The following ACACA variants were observed in gnomAD, a reference collection of about 807,000 sequenced individuals.
ACACA encodes the protein acetyl-CoA carboxylase alpha.
Under a neutral mutation model 296.1 loss-of-function variants are expected in ACACA, and 103 were observed. The observed-to-expected ratio is 0.35, with a 90% CI of 0.30 to 0.41. The LOEUF (loss-of-function observed/expected upper bound fraction) is 0.41. Among genes scored for constraint, ACACA ranks in the 10% least tolerant of loss-of-function variants. The probability of loss-of-function intolerance (pLI) is 1.00; values close to 1 mark genes in which losing one functional copy is unlikely to be tolerated. For missense variants in ACACA, 1,554 were observed against 2,989.7 expected (o/e 0.52, Z 11.20); for synonymous variants, 953 against 1,038.6 (o/e 0.92, Z 1.58).
At chr17:37,384,658 C>T (rs543377213) in intron 1 of ACACA, among the ~76,000 whole-genome samples, 3 of 151,444 alleles carry the variant, frequency 2.0e-5, no homozygotes, top group African/African-American at 7.2e-5. Context: ...GTTATCACTT[C>T]GAAGAACTGA....
chr17:37,165,930 GC>G (rs1420469331), intron 41 of ACACA, among the ~76,000 whole-genome samples: 1 of 152,166 alleles, frequency 6.6e-6, no homozygotes, highest in East Asian at 1.9e-4. Flanking sequence ...TCCTGCCTAG[GC>G]CTCCCAAATT....
At position 37,193,419 on chromosome 17, in the gene ACACA, T is replaced by C; in HGVS notation, c.4159-4A>G. 1.3e-6 allele frequency: 2 copies of C among 1,599,190 alleles called. No homozygotes were observed. On this transcript the variant is annotated splice_region_variant and splice_polypyrimidine_tract_variant and intron_variant, in intron 35 of 55. Transcript: ENST00000616317. ...TAAAAAATTTAGGGAATTCTCTCTG[T>C]ATTAAAGAAGGGGGAAAAATGTGTC...
chr17:37,197,664 C>T (rs2078064869), intron 35 of ACACA, among the ~76,000 whole-genome samples: 2 of 152,294 alleles, frequency 1.3e-5, no homozygotes, highest in South Asian at 2.1e-4. Flanking sequence ...GACAGTGACC[C>T]CCAGATTTGT....
chr17:37,252,577 C>T (rs1446528247), intron 15 of ACACA, among the ~76,000 whole-genome samples: 2 of 152,188 alleles, frequency 1.3e-5, no homozygotes, highest in East Asian at 3.8e-4. Context: ...CTCTCTTCAG[C>T]ATCTGGTAGA....
chr17:37,382,355 T>C (rs2050333263), intron 1 of ACACA, among the ~76,000 whole-genome samples: 1 of 151,680 alleles, frequency 6.6e-6, no homozygotes, highest in Admixed American at 6.6e-5. Flanking sequence ...TTTTTTCATA[T>C]AGTTTTTTTT....
chr17:37,349,455 TTACA>T (rs2048791369), intron 1 of ACACA, among the ~76,000 whole-genome samples: 1 of 148,118 alleles, frequency 6.8e-6, no homozygotes, highest in Non-Finnish European at 1.5e-5. Flanking sequence ...AAGATATATC[TTACA>T]TATATATTTT....
intron 33 of ACACA, among the ~76,000 whole-genome samples, chr17:37,201,225 G>A (rs1197453549): frequency 6.6e-6 from 1 of 152,180 alleles, no homozygotes; most frequent in Non-Finnish European, 1.5e-5. Context: ...GATCACTTGA[G>A]GCCGGGAGTT....
rs903250118 is a variant in ACACA, at chr17:37,206,638, T to G, written c.3948+145A>C. The G allele has an allele frequency of 4.4e-6, 3 of 677,236 alleles. No individual in the cohort carries two copies. The African/African-American group carries it at 5.5e-5, about 12-fold the overall frequency. The allele number at this position is 677,236 out of a possible 1,614,324, so 42.0% of individuals were successfully genotyped here. ...TTCCACTTGTTTCCAGAAAATACTT[T>G]GGTGAGGCATACAAAATTAAATACT... On this transcript the variant is annotated intron_variant, in intron 32 of 55. Coordinates refer to ENST00000616317, the MANE Select transcript of ACACA (RefSeq NM_198834.3).
At chr17:37,127,960 G>C (rs1252340636) in intron 47 of ACACA, among the ~76,000 whole-genome samples, 5 of 142,286 alleles carry the variant, frequency 3.5e-5, no homozygotes, top group African/African-American at 1.3e-4. Flanking sequence ...GGAGGCGGAG[G>C]TTGCAGTGAG....
intron 1 of ACACA, chr17:37,388,715 T>A: frequency 2.5e-6 from 4 of 1,612,238 alleles, no homozygotes; most frequent in Non-Finnish European, 3.4e-6. Context: ...AGTATTGTGG[T>A]CAAAATTCTG....
chr17:37,178,867 T>C (rs1172813490), intron 41 of ACACA, among the ~76,000 whole-genome samples: 1 of 152,056 alleles, frequency 6.6e-6, no homozygotes, highest in Non-Finnish European at 1.5e-5. Flanking sequence ...GGGAAAATAA[T>C]CTATTTTCAT....
chr17:37,167,696 CAAA>C (rs540610206), intron 41 of ACACA, among the ~76,000 whole-genome samples: 9 of 75,600 alleles, frequency 1.2e-4, no homozygotes, highest in South Asian at 4.8e-4. Flanking sequence ...CAAAAACTGG[CAAA>C]AAAAAAAAAA....
chr17:37,158,264 G>C (rs78461521), intron 42 of ACACA, among the ~76,000 whole-genome samples: 3,742 of 152,246 alleles, frequency 0.025, 88 homozygotes, highest in African/African-American at 0.052. Flanking sequence ...CTGGATATAT[G>C]AATCTTGTGT....
intron 1 of ACACA, among the ~76,000 whole-genome samples, chr17:37,361,784 C>T (rs1025142768): frequency 3.3e-5 from 5 of 152,120 alleles, no homozygotes; most frequent in South Asian, 2.1e-4. Flanking sequence ...CAAGCTATTA[C>T]GTCTGTAAGA....
At chr17:37,234,825 G>A in intron 25 of ACACA, 150 bp downstream of exon 25, 1 of 895,974 alleles carries the variant, frequency 1.1e-6, no homozygotes, top group Non-Finnish European at 1.7e-6. Context: ...AGGTAGATGT[G>A]AGAAACTGTT....
At chr17:37,281,896 A>G (rs2082554558) in intron 5 of ACACA, among the ~76,000 whole-genome samples, 1 of 152,198 alleles carries the variant, frequency 6.6e-6, no homozygotes, top group Non-Finnish European at 1.5e-5. Context: ...ACGCAAGTTA[A>G]TCTGTATTTA....
chr17:37,268,924 T>G, intron 10 of ACACA, among the ~76,000 whole-genome samples: 1 of 151,024 alleles, frequency 6.6e-6, no homozygotes. Context: ...TTGAAATGTC[T>G]GTAAGAGTTA....
chr17:37,315,019 C>A (rs2047024226), intron 3 of ACACA, among the ~76,000 whole-genome samples: 1 of 131,830 alleles, frequency 7.6e-6, no homozygotes, highest in Non-Finnish European at 1.5e-5. Flanking sequence ...AGTGCAATGG[C>A]ACAATCTCGG....
chr17:37,304,468 T>C (rs2083772997), intron 3 of ACACA, among the ~76,000 whole-genome samples: 1 of 152,144 alleles, frequency 6.6e-6, no homozygotes. Context: ...AGAAGTTCTA[T>C]TTATTGATTC....
Sources: allele counts gnomAD v4.1 joint callset (sites outside exome capture counted in the v4.1 genomes callset), GRCh38; gene constraint gnomAD v4.1.1; transcripts MANE v1.5; gene names NCBI Gene and HGNC (gene_info 2026-07-23, HGNC 2026-07-21).